Variants in EPB41L4A observed in about 807,000 individuals in gnomAD.
The protein encoded by EPB41L4A is band 4.1-like protein 4A.
A neutral mutation model predicts 108.6 loss-of-function variants in EPB41L4A; 100 were observed. The observed-to-expected ratio is 0.92, with a 90% CI of 0.78 to 1.09. The LOEUF is 1.09. Among genes scored for constraint, EPB41L4A ranks in the 50% least tolerant of loss-of-function variants. EPB41L4A has a pLI of 0.00. For missense variants in EPB41L4A, 1,030 were observed against 842.7 expected, an observed-to-expected ratio of 1.22 and a Z score of -2.75; for synonymous variants, 319 against 289.0, an observed-to-expected ratio of 1.10 and a Z score of -1.05.
At chr5:112,299,165 G>T (rs1041967548) in intron 2 of EPB41L4A, among the ~76,000 whole-genome samples, 3 of 152,002 alleles carry the variant, frequency 2.0e-5, no homozygotes, top group African/African-American at 7.3e-5. Context: ...TCTGACCTTG[G>T]TTATTTCCTT....
At chr5:112,266,730 C>T in intron 4 of EPB41L4A, among the ~76,000 whole-genome samples, 1 of 152,190 alleles carries the variant, frequency 6.6e-6, no homozygotes, top group South Asian at 2.1e-4. Context: ...CTGCCACTGC[C>T]ACCACAACAT....
At chr5:112,237,336 G>A (rs181323903) in intron 11 of EPB41L4A, among the ~76,000 whole-genome samples, 3 of 152,140 alleles carry the variant, frequency 2.0e-5, no homozygotes, top group South Asian at 2.1e-4. Flanking sequence ...AAAAAAGTCC[G>A]ATTTTTCCCT....
intron 1 of EPB41L4A, among the ~76,000 whole-genome samples, chr5:112,384,811 G>A (rs1760398623): frequency 6.6e-6 from 1 of 150,548 alleles, no homozygotes; most frequent in African/African-American, 2.5e-5. Context: ...GAAGTTAAAA[G>A]AAAAGAAAAG....
intron 18 of EPB41L4A, among the ~76,000 whole-genome samples, chr5:112,171,899 T>C: frequency 6.6e-6 from 1 of 152,194 alleles, no homozygotes; most frequent in East Asian, 1.9e-4. Context: ...TTGTATGTGA[T>C]TAATCTGTAT....
intron 9 of EPB41L4A, chr5:112,257,287 A>C (rs952844626): frequency 7.2e-5 from 11 of 152,190 alleles, no homozygotes; most frequent in African/African-American, 2.7e-4. Context: ...CTTAACAGCA[A>C]TAAAAAAAAA....
intron 2 of EPB41L4A, among the ~76,000 whole-genome samples, chr5:112,300,666 C>A (rs1298319210): frequency 2.0e-5 from 3 of 152,244 alleles, no homozygotes; most frequent in African/African-American, 7.2e-5. Flanking sequence ...GTTCTTTGAG[C>A]TCCTTCTATT....
intron 1 of EPB41L4A, among the ~76,000 whole-genome samples, chr5:112,319,884 G>GTAT (rs1350703588): frequency 6.6e-6 from 1 of 152,038 alleles, no homozygotes; most frequent in Non-Finnish European, 1.5e-5. Flanking sequence ...TCCTTTTGGG[G>GTAT]TATTATGTAT....
intron 1 of EPB41L4A, among the ~76,000 whole-genome samples, chr5:112,399,863 G>C (rs1761621956): frequency 6.6e-6 from 1 of 152,108 alleles, no homozygotes; most frequent in African/African-American, 2.4e-5. Flanking sequence ...CACCCCCTTT[G>C]ACTAATCCTT....
At chr5:112,170,874 A>T in intron 19 of EPB41L4A, 71 bp downstream of exon 19, 2 of 1,379,872 alleles carry the variant, frequency 1.4e-6, no homozygotes, top group East Asian at 4.6e-5. Flanking sequence ...TCTCAGTATC[A>T]GGAGTCTTCC....
At chr5:112,192,545 A>G (rs577295732) in intron 17 of EPB41L4A, among the ~76,000 whole-genome samples, 16 of 152,354 alleles carry the variant, frequency 1.1e-4, no homozygotes, top group Middle Eastern at 3.4e-3. Flanking sequence ...TGCATTAAAC[A>G]TTCAGAATCA....
exon 14 of EPB41L4A, chr5:112,143,676 T>G (rs1759145072): frequency 1.2e-5 from 3 of 252,656 alleles, no homozygotes; most frequent in South Asian, 1.1e-4. Context: ...CCTCAGCTAT[T>G]CTTCTAGTGC....
intron 1 of EPB41L4A, among the ~76,000 whole-genome samples, chr5:112,406,667 T>A (rs1385914193): frequency 6.6e-6 from 1 of 151,934 alleles, no homozygotes. Flanking sequence ...GTTAGGAGTA[T>A]GGGAGGTGAT....
At chr5:112,233,819 C>G (rs889083068) in intron 12 of EPB41L4A, among the ~76,000 whole-genome samples, 2 of 151,904 alleles carry the variant, frequency 1.3e-5, no homozygotes, top group Non-Finnish European at 2.9e-5. Context: ...AGCATTTTGT[C>G]TTGTGTGGTT....
chr5:112,278,853 G>C (rs147494918), intron 3 of EPB41L4A, among the ~76,000 whole-genome samples: 11,017 of 148,690 alleles, frequency 0.074, 444 homozygotes, highest in Non-Finnish European at 0.086. Flanking sequence ...TCAGGAATTC[G>C]AGACCAGCCT....
intron 1 of EPB41L4A, among the ~76,000 whole-genome samples, chr5:112,385,208 C>T (rs1460229436): frequency 2.6e-5 from 4 of 152,130 alleles, no homozygotes; most frequent in Admixed American, 1.3e-4. Flanking sequence ...GGAAGTGGTG[C>T]TTCCAGGAAA....
intron 1 of EPB41L4A, among the ~76,000 whole-genome samples, chr5:112,315,818 T>C (rs1379639580): frequency 6.6e-6 from 1 of 151,892 alleles, no homozygotes; most frequent in Non-Finnish European, 1.5e-5. Context: ...TTTTCCATCA[T>C]CAAAAAAATA....
At chr5:112,417,307 T>C (rs771498034) in intron 1 of EPB41L4A, among the ~76,000 whole-genome samples, 7 of 152,250 alleles carry the variant, frequency 4.6e-5, no homozygotes, top group South Asian at 2.1e-4. Context: ...CTACAGCTGA[T>C]AGGCATGACT....
At chr5:112,307,098 G>A (rs1475252622) in intron 2 of EPB41L4A, among the ~76,000 whole-genome samples, 2 of 152,094 alleles carry the variant, frequency 1.3e-5, no homozygotes, top group Admixed American at 6.5e-5. Context: ...AGTCCTCCAT[G>A]TTCACTCATG....
Position 112,205,327 on chromosome 5 carries a change from C to CAGCCA in EPB41L4A, c.1262+89_1262+93dup, listed in dbSNP as rs568636881. ...CACTTTATCCACAGCTAGCTGTGAT[C>CAGCCA]AGCCACCCAGCAGCTGGATTCCTTT... On this transcript the variant is annotated intron_variant, in intron 14 of 22. Coordinates refer to ENST00000261486, the MANE Select transcript of EPB41L4A (RefSeq NM_022140.5). 2,367 of 1,055,320 alleles carry CAGCCA rather than the reference C, an allele frequency of 2.2e-3. 4 individuals carry two copies. Among genetic ancestry groups the CAGCCA allele is most frequent in the Admixed American group, 3.6e-3 (215 of 59,120 alleles). 65.4% of individuals were successfully genotyped at this position (1,055,320 alleles called of 1,614,324 possible).
Sources: allele counts gnomAD v4.1 joint callset (sites outside exome capture counted in the v4.1 genomes callset), GRCh38; gene constraint gnomAD v4.1.1; transcripts MANE v1.5; gene names NCBI Gene and HGNC (gene_info 2026-07-23, HGNC 2026-07-21).